TRPM6: variants seen among roughly 807,000 people sequenced by gnomAD.
TRPM6 encodes transient receptor potential cation channel subfamily M member 6, also known as channel kinase 2.
A neutral mutation model predicts 247.6 loss-of-function variants in TRPM6; 111 were observed. That is an observed-to-expected ratio of 0.45 (90% confidence interval 0.38 to 0.52). TRPM6 has a LOEUF of 0.52. Ranked by LOEUF, TRPM6 falls within the 20% of genes least tolerant of loss-of-function variation. The probability of loss-of-function intolerance (pLI) is 0.00; values close to 1 mark genes in which losing one functional copy is unlikely to be tolerated. For missense variants in TRPM6, 2,126 were observed against 2,421.5 expected (o/e 0.88, Z 2.56); for synonymous variants, 892 against 853.8 (o/e 1.04, Z -0.78).
chr9:74,846,240 G>A (rs769859744), intron 3 of TRPM6, among the ~76,000 whole-genome samples: 1 of 152,146 alleles, frequency 6.6e-6, no homozygotes, highest in Admixed American at 6.5e-5. Context: ...ATACAAACAA[G>A]TCAATTTATG....
At chr9:74,785,759 G>A (rs1827634162) in intron 21 of TRPM6, 115 bp downstream of exon 21, 13 of 1,148,492 alleles carry the variant, frequency 1.1e-5, no homozygotes, top group South Asian at 3.7e-5. Flanking sequence ...TCCTGACCTT[G>A]TGATCCGCCC....
At chr9:74,746,268 A>G (rs1826044525) in intron 31 of TRPM6, among the ~76,000 whole-genome samples, 1 of 152,110 alleles carries the variant, frequency 6.6e-6, no homozygotes, top group Non-Finnish European at 1.5e-5. Flanking sequence ...TTATGTGGAA[A>G]TGGCAAAACA....
chr9:74,811,864 G>A (rs1828741017), intron 12 of TRPM6, among the ~76,000 whole-genome samples: 1 of 152,170 alleles, frequency 6.6e-6, no homozygotes, highest in African/African-American at 2.4e-5. Context: ...AAAAAGGAAC[G>A]TTTTATTAGA....
At chr9:74,869,681 T>C (rs1830964068) in intron 1 of TRPM6, among the ~76,000 whole-genome samples, 1 of 151,800 alleles carries the variant, frequency 6.6e-6, no homozygotes. Flanking sequence ...TGACATTTTA[T>C]AGGCACAGTT....
intron 37 of TRPM6, among the ~76,000 whole-genome samples, chr9:74,729,157 T>A (rs906072454): frequency 1.3e-5 from 2 of 152,182 alleles, no homozygotes; most frequent in Non-Finnish European, 2.9e-5. Context: ...CCCAAGAAAC[T>A]TTATGAAAGC....
intron 1 of TRPM6, among the ~76,000 whole-genome samples, chr9:74,884,382 G>A (rs1445359654): frequency 3.3e-5 from 5 of 152,064 alleles, no homozygotes; most frequent in East Asian, 3.9e-4. Flanking sequence ...CCAGCTACTC[G>A]GGAGGCTGAG....
At position 74,821,894 on chromosome 9, in the gene TRPM6, G is replaced by A. The variant is rs569286081; in HGVS notation, c.842-57C>T. 645 of 1,599,260 alleles carry A rather than the reference G, an allele frequency of 4.0e-4. 8 individuals are homozygous for A. In the South Asian group the frequency reaches 4.6e-3, roughly 11 times the overall value. ...TAGAGAATCCCTAGCTCAGCCAGTC[G>A]GCCGTTTTGACTTCCAGACACAAGT... On this transcript the variant is annotated intron_variant, in intron 7 of 38. Transcript: ENST00000360774.
intron 20 of TRPM6, 117 bp from the exon 21 acceptor site, chr9:74,786,242 C>T: frequency 9.1e-7 from 1 of 1,099,908 alleles, no homozygotes; most frequent in Non-Finnish European, 1.3e-6. Flanking sequence ...CCTGCCAAAC[C>T]TTAAATCACT....
chr9:74,784,128 T>C (rs1827561704), intron 21 of TRPM6, among the ~76,000 whole-genome samples: 1 of 151,900 alleles, frequency 6.6e-6, no homozygotes, highest in Admixed American at 6.6e-5. Flanking sequence ...TGGTGGCAAG[T>C]GCCTGTAGTC....
chr9:74,853,262 C>T (rs1451646531), intron 3 of TRPM6, among the ~76,000 whole-genome samples: 1 of 151,910 alleles, frequency 6.6e-6, no homozygotes, highest in Non-Finnish European at 1.5e-5. Context: ...CGGCAGCCGC[C>T]CCGTCAGGGA....
intron 1 of TRPM6, among the ~76,000 whole-genome samples, chr9:74,879,061 AAATAC>A (rs1236033009): frequency 6.6e-6 from 1 of 152,126 alleles, no homozygotes. Flanking sequence ...GAGAACTTGA[AAATAC>A]AATACAAAGA....
intron 18 of TRPM6, among the ~76,000 whole-genome samples, chr9:74,795,221 C>T (rs886870699): frequency 1.3e-5 from 2 of 152,164 alleles, no homozygotes; most frequent in Non-Finnish European, 2.9e-5. Flanking sequence ...GATGGCTACC[C>T]TGGCCTACCC....
chr9:74,767,365 T>A (rs1217739155), intron 25 of TRPM6, among the ~76,000 whole-genome samples: 1 of 151,680 alleles, frequency 6.6e-6, no homozygotes, highest in East Asian at 1.9e-4. Context: ...GAAGTTAGAG[T>A]CCCAAATAGG....
chr9:74,778,010 A>G (rs760987999), intron 23 of TRPM6, among the ~76,000 whole-genome samples: 8 of 152,364 alleles, frequency 5.3e-5, no homozygotes, highest in African/African-American at 9.6e-5. Flanking sequence ...GCCACCCTAC[A>G]AAATGCCGCT....
chr9:74,734,941 G>A (rs1425288811), intron 36 of TRPM6, among the ~76,000 whole-genome samples: 2 of 152,146 alleles, frequency 1.3e-5, no homozygotes, highest in African/African-American at 4.8e-5. Context: ...GGCCAGGCAC[G>A]GTGGCTCACA....
At chr9:74,825,458 CGT>C (rs5898381) in intron 7 of TRPM6, among the ~76,000 whole-genome samples, 2,401 of 148,496 alleles carry the variant, frequency 0.016, 48 homozygotes, top group African/African-American at 0.05. Flanking sequence ...CTCTTTCTTC[CGT>C]GTGTGTGTGT....
At chr9:74,734,121 C>T (rs1297639215) in intron 36 of TRPM6, among the ~76,000 whole-genome samples, 2 of 152,190 alleles carry the variant, frequency 1.3e-5, no homozygotes, top group Non-Finnish European at 2.9e-5. Flanking sequence ...AAGTGAATCT[C>T]TTATAAAATA....
intron 2 of TRPM6, among the ~76,000 whole-genome samples, chr9:74,858,390 A>AAAAACAAAAAAAC (rs1830593400): frequency 5.9e-4 from 1 of 1,708 alleles, no homozygotes; most frequent in Admixed American, 3.9e-3. Context: ...TTCGTCTCAA[A>AAAAACAAAAAAAC]AAAACAAAAA....
intron 1 of TRPM6, among the ~76,000 whole-genome samples, chr9:74,867,063 T>C (rs11144123): frequency 0.31 from 46,416 of 152,182 alleles, 7,602 homozygotes; most frequent in Middle Eastern, 0.49. Flanking sequence ...TGGCTAAAGA[T>C]GGCTAAATTC....
Sources: gnomAD v4.1 joint callset for allele counts (sites outside exome capture counted in the v4.1 genomes callset) on GRCh38, gnomAD v4.1.1 for gene constraint, MANE v1.5 for transcripts, NCBI Gene and HGNC (gene_info 2026-07-23, HGNC 2026-07-21) for gene names.